Variants in MAGT1 observed in about 807,000 individuals in gnomAD.
MAGT1 encodes the protein magnesium transporter 1.
In MAGT1, 4 loss-of-function variants were observed where a neutral mutation model predicts 28.4. The ratio of observed to expected loss-of-function variants is 0.14; its 90% CI spans 0.07 to 0.32. The LOEUF (loss-of-function observed/expected upper bound fraction) is 0.32, where lower values mean the gene tolerates loss of function less well. MAGT1 is among the 10% of genes least tolerant of loss of function. MAGT1 has a pLI of 1.00. For synonymous variants in MAGT1, 89 were observed against 89.7 expected, an observed-to-expected ratio of 0.99 and a Z score of 0.04; for missense variants, 193 against 264.5, an observed-to-expected ratio of 0.73 and a Z score of 1.88.
chrX:77,859,586 C>T (rs1557216297), intron 3 of MAGT1, among the ~76,000 whole-genome samples: 1 of 111,609 alleles, frequency 9.0e-6, no homozygotes, highest in Non-Finnish European at 1.9e-5. Context: ...GGATATAGTG[C>T]CCAGGCACGG....
chrX:77,839,450 T>G (rs1176678357), intron 8 of MAGT1, among the ~76,000 whole-genome samples: 88 of 104,110 alleles, frequency 8.5e-4, no homozygotes, highest in Middle Eastern at 5.1e-3. Flanking sequence ...TTCAAGCGAT[T>G]CTCCTGCCTC....
At chrX:77,879,537 A>G (rs1466558577) in intron 1 of MAGT1, among the ~76,000 whole-genome samples, 1 of 112,093 alleles carries the variant, frequency 8.9e-6, no homozygotes, top group African/African-American at 3.2e-5. Flanking sequence ...TTGACCAGTT[A>G]TATTTCCCGT....
chrX:77,854,164 T>C (rs1569547999), intron 6 of MAGT1, among the ~76,000 whole-genome samples, 200 bp from the exon 7 acceptor site: 1 of 111,834 alleles, frequency 8.9e-6, no homozygotes, highest in Non-Finnish European at 1.9e-5. Context: ...GATTTGTCTT[T>C]TCATTGTACT....
chrX:77,893,902 CAAA>C (rs781965551), intron 1 of MAGT1, among the ~76,000 whole-genome samples: 1 of 82,696 alleles, frequency 1.2e-5, no homozygotes, highest in Admixed American at 1.4e-4. Context: ...GACCCGGTCT[CAAA>C]AAAAAAAAAA....
intron 2 of MAGT1, 43 bp downstream of exon 2, chrX:77,875,385 T>C (rs1371872005): frequency 3.4e-6 from 4 of 1,171,111 alleles, no homozygotes; most frequent in Non-Finnish European, 4.6e-6. Flanking sequence ...ATGGTTAACG[T>C]TATATGAGTT....
intron 7 of MAGT1, among the ~76,000 whole-genome samples, chrX:77,842,163 C>T (rs903407669): frequency 6.4e-5 from 7 of 110,190 alleles, no homozygotes; most frequent in African/African-American, 1.6e-4. Flanking sequence ...GAGGCCGAGG[C>T]GGGCCGATTG....
chrX:77,887,790 C>T (rs2077071467), intron 1 of MAGT1, among the ~76,000 whole-genome samples: 1 of 112,177 alleles, frequency 8.9e-6, no homozygotes, highest in African/African-American at 3.2e-5. Flanking sequence ...GCAAACAACT[C>T]CTAATGCAAA....
chrX:77,847,729 G>A (rs782028554), intron 7 of MAGT1, among the ~76,000 whole-genome samples: 7 of 107,131 alleles, frequency 6.5e-5, no homozygotes, highest in Middle Eastern at 4.9e-3. Flanking sequence ...TCCTGCCTCC[G>A]TCTCCTGAGT....
At chrX:77,869,085 G>A (rs1406173706) in intron 3 of MAGT1, among the ~76,000 whole-genome samples, 1 of 111,091 alleles carries the variant, frequency 9.0e-6, no homozygotes, top group Admixed American at 9.6e-5. Flanking sequence ...TGGCAATCTC[G>A]GCTCACTGGA....
rs782649120 is a variant in MAGT1 at position 77,825,750 on chromosome X, A to C, written c.*3470T>G. ...CTGGATATAAAAATATTATCTATTC[A>C]AATTTAAGTGCATCTTTAATATTTT... On this transcript the variant is annotated 3_prime_UTR_variant, in exon 10 of 10. Transcript: ENST00000618282. 9.7e-5 allele frequency among the ~76,000 whole-genome samples: 11 copies of C among 112,937 alleles called. No individual in the cohort carries two copies. Among genetic ancestry groups the C allele is most frequent in the Admixed American group, 4.7e-4 (5 of 10,618 alleles).
chrX:77,892,514 C>T (rs186391968), intron 1 of MAGT1, among the ~76,000 whole-genome samples: 11 of 111,455 alleles, frequency 9.9e-5, no homozygotes, highest in African/African-American at 3.6e-4. Context: ...AACAGATTCC[C>T]GGCTGAACAC....
At chrX:77,879,093 G>A (rs1250032494) in intron 1 of MAGT1, among the ~76,000 whole-genome samples, 22 of 111,231 alleles carry the variant, frequency 2.0e-4, no homozygotes, top group African/African-American at 6.9e-4. Context: ...GTCTTGCTCT[G>A]TCACCCAGAC....
At chrX:77,872,526 C>G (rs1337531522) in intron 2 of MAGT1, among the ~76,000 whole-genome samples, 1 of 111,765 alleles carries the variant, frequency 8.9e-6, no homozygotes, top group Non-Finnish European at 1.9e-5. Flanking sequence ...TTTATCTAGT[C>G]TTACTACTAA....
intron 1 of MAGT1, among the ~76,000 whole-genome samples, chrX:77,888,569 C>T (rs1557219182): frequency 9.0e-6 from 1 of 111,605 alleles, no homozygotes; most frequent in Non-Finnish European, 1.9e-5. Flanking sequence ...ACTTGATTAG[C>T]TCTACCAAAG....
intron 1 of MAGT1, among the ~76,000 whole-genome samples, chrX:77,893,074 C>T (rs1351040336): frequency 3.6e-5 from 4 of 111,567 alleles, no homozygotes; most frequent in African/African-American, 1.3e-4. Context: ...ATCACTTGAC[C>T]CCAGGAAGTA....
chrX:77,874,231 T>C (rs1438198858), intron 2 of MAGT1, among the ~76,000 whole-genome samples: 1 of 104,620 alleles, frequency 9.6e-6, no homozygotes, highest in African/African-American at 3.5e-5. Flanking sequence ...GATCCTCCCA[T>C]CTCAGCCTCC....
chrX:77,831,523 C>T (rs1273092915), intron 8 of MAGT1, among the ~76,000 whole-genome samples: 9 of 110,747 alleles, frequency 8.1e-5, no homozygotes, highest in African/African-American at 2.9e-4. Context: ...AAAGTCATCA[C>T]ACTGAAAGGT....
intron 1 of MAGT1, among the ~76,000 whole-genome samples, chrX:77,886,892 C>A (rs2077069573): frequency 9.0e-6 from 1 of 111,296 alleles, no homozygotes; most frequent in South Asian, 3.8e-4. Flanking sequence ...ATTAAGTGAA[C>A]CAAATGATGA....
intron 1 of MAGT1, among the ~76,000 whole-genome samples, chrX:77,878,844 C>G (rs2149026785): frequency 9.7e-6 from 1 of 102,928 alleles, no homozygotes; most frequent in South Asian, 4.4e-4. Context: ...ACTAAAGATA[C>G]ATTTACCATA....
Sources: gnomAD v4.1 joint callset for allele counts (sites outside exome capture counted in the v4.1 genomes callset) on GRCh38, gnomAD v4.1.1 for gene constraint, MANE v1.5 for transcripts, NCBI Gene and HGNC (gene_info 2026-07-23, HGNC 2026-07-21) for gene names.